Variants in AKAP13 observed in about 807,000 individuals in gnomAD.
The protein encoded by AKAP13 is A-kinase anchoring protein 13, also known as A-kinase anchor protein 13.
A neutral mutation model predicts 264.5 loss-of-function variants in AKAP13; 80 were observed. The ratio of observed to expected loss-of-function variants is 0.30; its 90% CI spans 0.25 to 0.36. The LOEUF is 0.36. Ranked by LOEUF, AKAP13 falls within the 10% of genes least tolerant of loss-of-function variation. The pLI is 1.00. For missense variants in AKAP13, 3,712 were observed against 3,435.2 expected (o/e 1.08, Z -2.01); for synonymous variants, 1,380 against 1,250.2 (o/e 1.10, Z -2.19).
At position 85,579,758 on chromosome 15, in the gene AKAP13, A is replaced by G. The variant is rs367863768; in HGVS notation, c.1690A>G (p.Lys564Glu). 1.1e-5 allele frequency: 18 copies of G among 1,614,250 alleles called. No individual in the cohort carries two copies. The highest frequency in any genetic ancestry group is 1.5e-5 in the Non-Finnish European group (18 of 1,180,052). ...AFSNEETSTE[K>E]TAETETSRSR... ...TAGTAATGAAGAAACCTCCACTGAA[A>G]AAACAGCAGAAACGGAAACTTCACG... Residue 564 changes from lysine to glutamate, a missense_variant, in exon 7 of 37, where the codon AAA becomes GAA. Lys to Glu is a moderately conservative substitution (Grantham distance 56). Around this residue, in one of 3 missense-constraint regions of AKAP13, gnomAD observed 2,759 missense variants for 2,411.7 expected, o/e 1.14. Coordinates refer to ENST00000394518, the MANE Select transcript of AKAP13 (RefSeq NM_007200.5).
At chr15:85,441,970 A>G (rs893003651) in intron 1 of AKAP13, among the ~76,000 whole-genome samples, 3 of 152,172 alleles carry the variant, frequency 2.0e-5, no homozygotes, top group Non-Finnish European at 2.9e-5. Context: ...GTCTTTGGGA[A>G]CAACGAATAG....
intron 1 of AKAP13, among the ~76,000 whole-genome samples, chr15:85,483,619 C>T (rs1176003649): frequency 3.4e-5 from 4 of 116,682 alleles, no homozygotes; most frequent in East Asian, 2.2e-4. Context: ...GGCGACAGAG[C>T]GAGACTCCGT....
intron 8 of AKAP13, among the ~76,000 whole-genome samples, chr15:85,595,570 A>C (rs765274197): frequency 4.8e-4 from 73 of 152,356 alleles, no homozygotes; most frequent in Non-Finnish European, 4.9e-4. Context: ...AGAGAGAGGA[A>C]TACTTCTTGA....
chr15:85,565,216 C>T (rs2151275570), intron 5 of AKAP13, among the ~76,000 whole-genome samples: 1 of 151,036 alleles, frequency 6.6e-6, no homozygotes, highest in East Asian at 1.9e-4. Flanking sequence ...TTCGTTTATT[C>T]AGGGTGATAG....
At chr15:85,516,975 A>G (rs2076626885) in intron 2 of AKAP13, among the ~76,000 whole-genome samples, 1 of 152,224 alleles carries the variant, frequency 6.6e-6, no homozygotes, top group African/African-American at 2.4e-5. Context: ...TTTGTTTTTA[A>G]TGCAGTTTAC....
chr15:85,609,323 A>C (rs1253426129), intron 8 of AKAP13, among the ~76,000 whole-genome samples: 2 of 152,124 alleles, frequency 1.3e-5, no homozygotes, highest in African/African-American at 4.8e-5. Flanking sequence ...TATTTCTGTG[A>C]AATCAACTTA....
chr15:85,520,546 T>A (rs1412579640), intron 2 of AKAP13: 1 of 405,954 alleles, frequency 2.5e-6, no homozygotes, highest in Admixed American at 3.1e-5. Context: ...AAAGATGTCT[T>A]ACCTTCTAGT....
At chr15:85,594,284 T>C (rs1418491586) in intron 8 of AKAP13, among the ~76,000 whole-genome samples, 2 of 152,202 alleles carry the variant, frequency 1.3e-5, no homozygotes, top group Non-Finnish European at 2.9e-5. Context: ...GCCTCAGATA[T>C]GCTGAAATGA....
At chr15:85,513,437 A>G (rs984027130) in intron 2 of AKAP13, among the ~76,000 whole-genome samples, 1 of 152,198 alleles carries the variant, frequency 6.6e-6, no homozygotes, top group Non-Finnish European at 1.5e-5. Flanking sequence ...TATTAAAAAT[A>G]TTAAAAAATA....
chr15:85,583,434 T>C (rs2079204388), intron 7 of AKAP13, among the ~76,000 whole-genome samples: 1 of 152,180 alleles, frequency 6.6e-6, no homozygotes, highest in Admixed American at 6.5e-5. Flanking sequence ...ACTTTAGCTT[T>C]TTAGTTTTAT....
intron 1 of AKAP13, among the ~76,000 whole-genome samples, chr15:85,458,794 C>A (rs1010833062): frequency 2.6e-5 from 4 of 152,166 alleles, no homozygotes; most frequent in Non-Finnish European, 4.4e-5. Flanking sequence ...CTTAAGTTTT[C>A]CGTGACAACT....
chr15:85,389,328 C>G (rs2070741335), intron 1 of AKAP13, among the ~76,000 whole-genome samples: 1 of 152,184 alleles, frequency 6.6e-6, no homozygotes, highest in South Asian at 2.1e-4. Flanking sequence ...CTTGATCCTC[C>G]TCATTGCACC....
intron 19 of AKAP13, among the ~76,000 whole-genome samples, chr15:85,713,303 A>G (rs2086728273): frequency 6.6e-6 from 1 of 152,128 alleles, no homozygotes; most frequent in Non-Finnish European, 1.5e-5. Flanking sequence ...TACCTGCTTC[A>G]TCTTCTACTC....
At chr15:85,537,731 C>A (rs8039929) in intron 4 of AKAP13, among the ~76,000 whole-genome samples, 10 of 151,986 alleles carry the variant, frequency 6.6e-5, no homozygotes, top group African/African-American at 2.4e-4. Context: ...GCAAAATACT[C>A]AATCTCTCTG....
In AKAP13 at chr15:85,744,743, C is replaced by A; in HGVS notation, c.*66C>A. 6.9e-7 allele frequency: 1 copy of A among 1,458,134 alleles called. No homozygotes were observed. Among genetic ancestry groups the A allele is most frequent in the South Asian group, 1.3e-5 (1 of 75,824 alleles). The allele number at this position is 1,458,134 out of a possible 1,614,324, so 90.3% of individuals were successfully genotyped here. ...GCCAGCCCACCTCTCCTGCTGTCCCCGCGTGCACAAGTCTCTTACACTGGA... is the reference window on the plus strand; with the variant it reads ...GCCAGCCCACCTCTCCTGCTGTCCCAGCGTGCACAAGTCTCTTACACTGGA... On this transcript the variant is annotated 3_prime_UTR_variant, in exon 37 of 37. Transcript: ENST00000394518.
In AKAP13 at chr15:85,579,102, G is replaced by T; in HGVS notation, c.1034G>T (p.Ser345Ile). Residue 345 changes from serine to isoleucine, a missense_variant, in exon 7 of 37, where the codon AGC (serine) becomes ATC (isoleucine). Coordinates refer to ENST00000394518, the MANE Select transcript of AKAP13 (RefSeq NM_007200.5). ...GAGAGCACTCAGTGCTGCCCAGGGA[G>T]CCCTGTTGCACAGACTGAAAGTCCC... ...ETESTQCCPGSPVAQTESPCD... is the reference protein window; with the variant it reads ...ETESTQCCPGIPVAQTESPCD... 6.2e-7 allele frequency: 1 copy of T among 1,614,156 alleles called. No homozygotes were observed. Among genetic ancestry groups the T allele is most frequent in the Non-Finnish European group, 8.5e-7 (1 of 1,180,040 alleles).
rs910829789 is a variant in AKAP13 at position 85,724,546 on chromosome 15, G to T, written c.6745+1226G>T. Among the ~76,000 whole-genome samples, 1 of 151,798 alleles carries T rather than the reference G, an allele frequency of 6.6e-6. No homozygotes were observed. The highest frequency in any genetic ancestry group is 2.4e-5 in the African/African-American group (1 of 41,286). ...AGAGAGCAGAGTGAATGACAGGGGA[G>T]TGACGGGAAACCAGCCCAAAGAAAC... On this transcript the variant is annotated intron_variant, in intron 26 of 36. Coordinates refer to ENST00000394518, the MANE Select transcript of AKAP13 (RefSeq NM_007200.5). This position sits in a 1 kb window ranked among gnomAD's most constrained non-coding sequence, Gnocchi z 4.2.
At chr15:85,485,245 T>C (rs2151056712) in intron 1 of AKAP13, among the ~76,000 whole-genome samples, 1 of 152,294 alleles carries the variant, frequency 6.6e-6, no homozygotes, top group African/African-American at 2.4e-5. Flanking sequence ...TAGCCTCCCT[T>C]CTCAGAGAAG....
At chr15:85,478,613 A>G (rs2075254078) in intron 1 of AKAP13, among the ~76,000 whole-genome samples, 1 of 151,934 alleles carries the variant, frequency 6.6e-6, no homozygotes, top group African/African-American at 2.4e-5. Context: ...CTGTTGTTTT[A>G]ATTTGCTATG....
Sources: gnomAD v4.1 joint callset for allele counts (sites outside exome capture counted in the v4.1 genomes callset) on GRCh38, gnomAD v4.1.1 for gene constraint, gnomAD v4.1.1 regional missense constraint, Gnocchi (gnomAD v3.1) non-coding constraint, MANE v1.5 for transcripts, NCBI Gene and HGNC (gene_info 2026-07-23, HGNC 2026-07-21) for gene names.